Variants in LRP1B observed in about 807,000 individuals in gnomAD.
LRP1B encodes LDL receptor related protein 1B.
Under a neutral mutation model 556.6 loss-of-function variants are expected in LRP1B, and 217 were observed. The observed-to-expected ratio is 0.39, with a 90% confidence interval of 0.35 to 0.44. The LOEUF (loss-of-function observed/expected upper bound fraction) is 0.44. Among genes scored for constraint, LRP1B ranks in the 20% least tolerant of loss-of-function variants. The pLI is 1.00. For synonymous variants in LRP1B, 2,047 were observed against 1,865.8 expected (o/e 1.10, Z -2.50); for missense variants, 5,053 against 5,620.8 (o/e 0.90, Z 3.23).
At chr2:140,610,595 T>G (rs2105223748) in intron 41 of LRP1B, among the ~76,000 whole-genome samples, 1 of 152,348 alleles carries the variant, frequency 6.6e-6, no homozygotes, top group Middle Eastern at 3.4e-3. Flanking sequence ...AAAAATATTT[T>G]ATTTTTTTGA....
intron 2 of LRP1B, among the ~76,000 whole-genome samples, chr2:141,645,009 G>C (rs1689499930): frequency 6.6e-6 from 1 of 152,030 alleles, no homozygotes; most frequent in Non-Finnish European, 1.5e-5. Flanking sequence ...AGTATATTCT[G>C]TCTAGAGGAG....
chr2:140,908,853 G>A (rs554650281), intron 21 of LRP1B, among the ~76,000 whole-genome samples: 1 of 152,290 alleles, frequency 6.6e-6, no homozygotes, highest in East Asian at 1.9e-4. Flanking sequence ...AGGCTGGAGT[G>A]CAATGGTGCA....
intron 1 of LRP1B, among the ~76,000 whole-genome samples, chr2:141,995,711 G>C (rs1217163310): frequency 2.0e-5 from 3 of 152,180 alleles, no homozygotes; most frequent in Non-Finnish European, 4.4e-5. Flanking sequence ...CATCTTGTGA[G>C]AGAGGAAATA....
intron 2 of LRP1B, among the ~76,000 whole-genome samples, chr2:141,538,204 G>T (rs921489055): frequency 6.6e-6 from 1 of 152,048 alleles, no homozygotes; most frequent in Non-Finnish European, 1.5e-5. Context: ...CAAGATTTTT[G>T]CAGGCTCCAG....
intron 1 of LRP1B, among the ~76,000 whole-genome samples, chr2:141,844,341 A>G (rs1192421845): frequency 6.6e-6 from 1 of 152,124 alleles, no homozygotes; most frequent in African/African-American, 2.4e-5. Context: ...GCTACTATGA[A>G]AATGGAAATT....
At position 140,700,422 on chromosome 2, in the gene LRP1B, A is replaced by G; in HGVS notation, c.6627T>C (p.Asn2209=). 1 of 1,613,372 alleles carries G rather than the reference A, an allele frequency of 6.2e-7. No individual in the cohort carries two copies. The highest frequency in any genetic ancestry group is 1.7e-5 in the Admixed American group (1 of 59,908). The change falls in exon 41 of 91, where the codon AAT becomes AAC. Residue 2209 remains asparagine (N), a synonymous_variant. Coordinates refer to ENST00000389484, the MANE Select transcript of LRP1B (RefSeq NM_018557.3). ...SIHLSDETNL[N]SPIRPYENPR... is the part of the protein sequence containing the mutation. ...GATTCTCATATGGCCTTATTGGGGA[A>G]TTTAAATTGGTTTCATCAGAAAGAT...
In LRP1B at chr2:140,540,986, G is replaced by T; in HGVS notation, c.7500C>A (p.Asp2500Glu). 1 of 1,609,724 alleles carries T rather than the reference G, an allele frequency of 6.2e-7. No individual in the cohort carries two copies. Among genetic ancestry groups the T allele is most frequent in the Non-Finnish European group, 8.5e-7 (1 of 1,177,564 alleles). ...CCCTTTACTTACTCACACATCTGTT[G>T]TCCTCTAGCAATATTCGGTCCCCTC... The part of the protein sequence containing the change: ...SCRGDRILLE[D>E]NRCVTKNSSC... The change falls in exon 45 of 91, where the codon GAC becomes GAA. Residue 2500 changes from aspartate to glutamate, a missense_variant. Transcript: ENST00000389484.
intron 42 of LRP1B, among the ~76,000 whole-genome samples, chr2:140,600,767 GTTTTTTTT>G (rs61336155): frequency 1.8e-5 from 1 of 56,910 alleles, no homozygotes; most frequent in Admixed American, 2.3e-4. Context: ...GTTCTTCGGG[GTTTTTTTT>G]TTTTTTTTTT....
At chr2:141,414,108 G>A (rs1380160367) in intron 3 of LRP1B, among the ~76,000 whole-genome samples, 2 of 151,608 alleles carry the variant, frequency 1.3e-5, no homozygotes, top group East Asian at 2.0e-4. Flanking sequence ...GTGGTGGCGG[G>A]TGCCTGTAGT....
At chr2:141,219,584 C>G (rs906920050) in intron 6 of LRP1B, among the ~76,000 whole-genome samples, 3 of 152,162 alleles carry the variant, frequency 2.0e-5, no homozygotes, top group Non-Finnish European at 4.4e-5. Flanking sequence ...AAGGGGCAGC[C>G]AAGCTGTTTT....
intron 3 of LRP1B, among the ~76,000 whole-genome samples, chr2:141,282,820 T>C (rs2105391412): frequency 6.6e-6 from 1 of 152,262 alleles, no homozygotes; most frequent in South Asian, 2.1e-4. Flanking sequence ...AAAGAAAAAG[T>C]ATAAGACTTC....
chr2:140,702,352 A>T, intron 38 of LRP1B, 60 bp from the exon 39 acceptor site: 2 of 1,605,920 alleles, frequency 1.2e-6, no homozygotes, highest in East Asian at 2.2e-5. Flanking sequence ...TTAAGAAAAT[A>T]AAGGAACACT....
intron 4 of LRP1B, among the ~76,000 whole-genome samples, chr2:141,253,945 G>A (rs1485782235): frequency 1.3e-5 from 2 of 151,874 alleles, no homozygotes; most frequent in Non-Finnish European, 1.5e-5. Flanking sequence ...ATGTATAATT[G>A]GAATCAAGTG....
intron 41 of LRP1B, among the ~76,000 whole-genome samples, chr2:140,680,196 A>C (rs1685813506): frequency 6.6e-6 from 1 of 152,090 alleles, no homozygotes. Context: ...GATTAGACAG[A>C]GATTAAATGA....
chr2:141,790,417 A>T lies in LRP1B; in HGVS notation c.205+19862T>A, dbSNP rs571308377. 2.6e-4 allele frequency among the ~76,000 whole-genome samples: 40 copies of T among 151,816 alleles called. No homozygotes were observed. In the East Asian group the frequency reaches 4.3e-3, roughly 16 times the overall value. On this transcript the variant is annotated intron_variant, in intron 2 of 90. Coordinates refer to ENST00000389484, the MANE Select transcript of LRP1B (RefSeq NM_018557.3). Reference sequence around the variant, plus strand: ...GAGCAGTTGTTTCAAGCTGTGTTCTATTGTGCCCTGGGAATTCTGAAAAGG... The same window carrying T: ...GAGCAGTTGTTTCAAGCTGTGTTCTTTTGTGCCCTGGGAATTCTGAAAAGG...
At chr2:140,611,163 T>C (rs886333512) in intron 41 of LRP1B, among the ~76,000 whole-genome samples, 1 of 152,154 alleles carries the variant, frequency 6.6e-6, no homozygotes. Flanking sequence ...TGTGAGTGAG[T>C]TTCTGAACTG....
chr2:141,293,827 T>C (rs1686076264), intron 3 of LRP1B, among the ~76,000 whole-genome samples: 1 of 152,138 alleles, frequency 6.6e-6, no homozygotes, highest in Non-Finnish European at 1.5e-5. Flanking sequence ...GGAACATGTG[T>C]ATTTCTTATA....
intron 66 of LRP1B, among the ~76,000 whole-genome samples, chr2:140,405,091 AT>A (rs1684673472): frequency 6.6e-6 from 1 of 152,222 alleles, no homozygotes; most frequent in Non-Finnish European, 1.5e-5. Flanking sequence ...AACTATACAA[AT>A]AAATTAAATA....
chr2:141,207,895 T>C (rs976061955), intron 6 of LRP1B, among the ~76,000 whole-genome samples: 5 of 152,186 alleles, frequency 3.3e-5, no homozygotes, highest in African/African-American at 1.2e-4. Context: ...AGGCTGATCT[T>C]GAACTTCTGA....
Sources: gnomAD v4.1 joint callset for allele counts (sites outside exome capture counted in the v4.1 genomes callset) on GRCh38, gnomAD v4.1.1 for gene constraint, MANE v1.5 for transcripts, NCBI Gene and HGNC (gene_info 2026-07-23, HGNC 2026-07-21) for gene names.